The following NLGN1 variants were observed in gnomAD, a reference collection of about 807,000 sequenced individuals.
NLGN1 encodes the protein neuroligin 1, also known as neuroligin-1.
Under a neutral mutation model 65.5 loss-of-function variants are expected in NLGN1, and 12 were observed. The ratio of observed to expected loss-of-function variants is 0.18; its 90% confidence interval spans 0.12 to 0.30. The LOEUF (loss-of-function observed/expected upper bound fraction) is 0.30, where lower values mean the gene tolerates loss of function less well. Ranked by LOEUF, NLGN1 falls within the 10% of genes least tolerant of loss-of-function variation. The probability of loss-of-function intolerance (pLI) is 1.00; values close to 1 mark genes in which losing one functional copy is unlikely to be tolerated. For synonymous variants in NLGN1, 350 were observed against 359.5 expected (o/e 0.97, Z 0.30); for missense variants, 750 against 1,007.1 (o/e 0.74, Z 3.46).
chr3:174,017,366 T>C (rs867779965), intron 4 of NLGN1, among the ~76,000 whole-genome samples: 3 of 152,180 alleles, frequency 2.0e-5, no homozygotes. Flanking sequence ...ATACCTTAAT[T>C]GCTGAGATGT....
At chr3:173,608,237 G>A (rs1481420182) in intron 3 of NLGN1, among the ~76,000 whole-genome samples, 2 of 151,698 alleles carry the variant, frequency 1.3e-5, no homozygotes, top group Non-Finnish European at 2.9e-5. Flanking sequence ...ATTTTAAAAC[G>A]GGTCCCAGTT....
chr3:173,897,033 A>G (rs1311135720), intron 4 of NLGN1, among the ~76,000 whole-genome samples: 1 of 152,208 alleles, frequency 6.6e-6, no homozygotes, highest in Non-Finnish European at 1.5e-5. Flanking sequence ...CGGGGTCCCA[A>G]AAGGTGTTCT....
chr3:173,666,491 A>G (rs1251016241), intron 3 of NLGN1, among the ~76,000 whole-genome samples: 1 of 152,164 alleles, frequency 6.6e-6, no homozygotes, highest in Non-Finnish European at 1.5e-5. Context: ...ATTGTTTTTG[A>G]AGGGAAATTG....
At chr3:174,139,885 A>G (rs569739793) in intron 4 of NLGN1, among the ~76,000 whole-genome samples, 15 of 152,266 alleles carry the variant, frequency 9.9e-5, no homozygotes, top group South Asian at 6.2e-4. Flanking sequence ...TACCATTTGA[A>G]CATCTTCTTT....
chr3:173,409,345 G>A (rs948124665), intron 1 of NLGN1, among the ~76,000 whole-genome samples: 1 of 152,088 alleles, frequency 6.6e-6, no homozygotes, highest in Non-Finnish European at 1.5e-5. Flanking sequence ...TGATTGATAT[G>A]AGAAAGCCTG....
intron 4 of NLGN1, among the ~76,000 whole-genome samples, chr3:174,108,015 T>G (rs1477909677): frequency 1.3e-5 from 2 of 152,162 alleles, no homozygotes; most frequent in African/African-American, 4.8e-5. Flanking sequence ...TTAAGTTCCT[T>G]GTACCATATT....
intron 4 of NLGN1, among the ~76,000 whole-genome samples, chr3:174,017,014 C>T (rs1726701279): frequency 6.6e-6 from 1 of 152,120 alleles, no homozygotes; most frequent in South Asian, 2.1e-4. Context: ...CTAATACAAT[C>T]TGAGAAACAA....
At chr3:174,133,209 A>T (rs1470403710) in intron 4 of NLGN1, among the ~76,000 whole-genome samples, 1 of 152,218 alleles carries the variant, frequency 6.6e-6, no homozygotes, top group African/African-American at 2.4e-5. Context: ...GAAGGGGAGA[A>T]ATGTAAAACC....
chr3:174,055,526 G>A (rs936512318), intron 4 of NLGN1, among the ~76,000 whole-genome samples: 3 of 152,108 alleles, frequency 2.0e-5, no homozygotes, highest in African/African-American at 7.2e-5. Flanking sequence ...AATCTGGAGA[G>A]GGAGGCATTT....
At chr3:173,654,892 C>T (rs996064512) in intron 3 of NLGN1, among the ~76,000 whole-genome samples, 16 of 152,118 alleles carry the variant, frequency 1.1e-4, no homozygotes, top group Admixed American at 2.0e-4. Flanking sequence ...CTTAGCATTG[C>T]GTTTTTCAGT....
intron 4 of NLGN1, among the ~76,000 whole-genome samples, chr3:174,004,392 A>G (rs982500254): frequency 6.6e-6 from 1 of 152,118 alleles, no homozygotes. Flanking sequence ...AGTATTTGTC[A>G]AGATAATTTT....
intron 2 of NLGN1, among the ~76,000 whole-genome samples, chr3:173,463,326 T>C (rs1322135919): frequency 6.6e-6 from 1 of 152,176 alleles, no homozygotes; most frequent in Non-Finnish European, 1.5e-5. Flanking sequence ...AAAATATACA[T>C]AAAATGTGCT....
intron 3 of NLGN1, among the ~76,000 whole-genome samples, chr3:173,608,800 C>T (rs1577512665): frequency 6.6e-6 from 1 of 151,754 alleles, no homozygotes; most frequent in East Asian, 1.9e-4. Flanking sequence ...TCTTTTTATT[C>T]TATCAGTTGA....
chr3:173,907,805 G>A (rs1030173711), intron 4 of NLGN1, among the ~76,000 whole-genome samples: 6 of 151,370 alleles, frequency 4.0e-5, no homozygotes, highest in Non-Finnish European at 5.9e-5. Context: ...GGCTGGTCTC[G>A]AACTCCTGAC....
chr3:173,775,526 AT>A lies in NLGN1; in HGVS notation c.494-32151del, dbSNP rs551262775. 1.1e-4 allele frequency among the ~76,000 whole-genome samples: 16 copies of A among 152,178 alleles called. No individual in the cohort carries two copies. In the South Asian group the frequency reaches 3.1e-3, roughly 30 times the overall value. On this transcript the variant is annotated intron_variant, in intron 3 of 6. Transcript: ENST00000457714. ...ATGCCTCCTGCATGAGATTCTTCAA[AT>A]TTGTTATATAACATATGTAAAGCTC... is the stretch of plus-strand genomic sequence containing the variant.
chr3:173,616,700 C>T (rs181762356), intron 3 of NLGN1, among the ~76,000 whole-genome samples: 14 of 152,184 alleles, frequency 9.2e-5, no homozygotes, highest in South Asian at 2.1e-4. Flanking sequence ...CTCCATTTCT[C>T]GCATCCTGAT....
intron 4 of NLGN1, among the ~76,000 whole-genome samples, chr3:174,236,483 A>G (rs1314099817): frequency 6.6e-6 from 1 of 151,950 alleles, no homozygotes; most frequent in African/African-American, 2.4e-5. Flanking sequence ...GGTGACAACT[A>G]TTTTCATTGT....
intron 4 of NLGN1, among the ~76,000 whole-genome samples, chr3:173,959,908 G>A (rs911078543): frequency 1.2e-4 from 18 of 152,052 alleles, no homozygotes; most frequent in South Asian, 2.1e-4. Context: ...CCACTTTTCC[G>A]TTGTTATATA....
chr3:173,549,003 C>T (rs993765545), intron 2 of NLGN1, among the ~76,000 whole-genome samples: 14 of 151,986 alleles, frequency 9.2e-5, no homozygotes, highest in Admixed American at 5.9e-4. Flanking sequence ...TTACTCCTTA[C>T]GAATTGTGGA....
Sources: gnomAD v4.1 joint callset for allele counts (sites outside exome capture counted in the v4.1 genomes callset) on GRCh38, gnomAD v4.1.1 for gene constraint, MANE v1.5 for transcripts, NCBI Gene and HGNC (gene_info 2026-07-23, HGNC 2026-07-21) for gene names.